The following CDH17 variants were observed in gnomAD, a reference collection of about 807,000 sequenced individuals.
CDH17 encodes the protein cadherin-17.
Under a neutral mutation model 86.3 loss-of-function variants are expected in CDH17, and 67 were observed. That is an observed-to-expected ratio of 0.78 (90% CI 0.64 to 0.95). The LOEUF (loss-of-function observed/expected upper bound fraction) is 0.95, where lower values mean the gene tolerates loss of function less well. Ranked by LOEUF, CDH17 falls within the 40% of genes least tolerant of loss-of-function variation. The probability of loss-of-function intolerance (pLI) is 0.00; values close to 1 mark genes in which losing one functional copy is unlikely to be tolerated. For missense variants in CDH17, 993 were observed against 1,017.6 expected (o/e 0.98, Z 0.33); for synonymous variants, 367 against 366.4 (o/e 1.00, Z -0.02).
At chr8:94,129,477 C>CAGAGTCCAGTGTG (rs33914262) in intron 17 of CDH17, among the ~76,000 whole-genome samples, 68,366 of 151,592 alleles carry the variant, frequency 0.45, 16,993 homozygotes, top group Non-Finnish European at 0.55. Flanking sequence ...ATGCATGAAT[C>CAGAGTCCAGTGTG]AGAGTCCAGT....
intron 15 of CDH17, among the ~76,000 whole-genome samples, chr8:94,135,539 T>C (rs1016636498): frequency 8.5e-5 from 13 of 152,262 alleles, no homozygotes; most frequent in Non-Finnish European, 1.6e-4. Context: ...TTATTTTGAG[T>C]CTATGTGTTT....
chr8:94,198,636 C>A (rs1586024746), intron 1 of CDH17, among the ~76,000 whole-genome samples: 1 of 152,170 alleles, frequency 6.6e-6, no homozygotes, highest in Non-Finnish European at 1.5e-5. Flanking sequence ...ACTCTTCCAG[C>A]CTTATCTGCC....
intron 3 of CDH17, among the ~76,000 whole-genome samples, chr8:94,181,098 G>C (rs1054933465): frequency 2.0e-5 from 3 of 151,904 alleles, no homozygotes; most frequent in African/African-American, 7.3e-5. Flanking sequence ...AGACAAAATG[G>C]GATATTCTAT....
At chr8:94,145,806 T>C in intron 15 of CDH17, 122 bp downstream of exon 15, 2 of 1,118,024 alleles carry the variant, frequency 1.8e-6, no homozygotes, top group Non-Finnish European at 2.6e-6. Flanking sequence ...TTCCAAAGCA[T>C]GAACTTCCTT....
At chr8:94,161,943 G>A (rs113312105) in intron 11 of CDH17, 143 bp downstream of exon 11, 4 of 530,564 alleles carry the variant, frequency 7.5e-6, no homozygotes, top group South Asian at 3.1e-5. Context: ...ACTGAAGATG[G>A]CATCTGGGTT....
chr8:94,199,705 G>A (rs1813867058), intron 1 of CDH17, among the ~76,000 whole-genome samples: 1 of 152,054 alleles, frequency 6.6e-6, no homozygotes. Flanking sequence ...GCTTTCCATT[G>A]CCACACGTAG....
intron 15 of CDH17, among the ~76,000 whole-genome samples, chr8:94,145,688 A>G (rs1812727427): frequency 6.6e-6 from 1 of 152,130 alleles, no homozygotes; most frequent in Non-Finnish European, 1.5e-5. Flanking sequence ...AATGATGCTT[A>G]GGTCATCCAA....
chr8:94,131,809 C>T (rs986928807), intron 15 of CDH17, among the ~76,000 whole-genome samples: 1 of 152,092 alleles, frequency 6.6e-6, no homozygotes, highest in Non-Finnish European at 1.5e-5. Context: ...GGTATTTCTC[C>T]TAATGCTATC....
chr8:94,169,485 T>C (rs1401831392), intron 9 of CDH17, among the ~76,000 whole-genome samples: 1 of 152,018 alleles, frequency 6.6e-6, no homozygotes, highest in Admixed American at 6.6e-5. Context: ...GCACCCACTC[T>C]GTCAGAGGTG....
chr8:94,177,784 G>A, intron 3 of CDH17, 63 bp from the exon 4 acceptor site: 1 of 1,524,830 alleles, frequency 6.6e-7, no homozygotes, highest in Non-Finnish European at 9.0e-7. Flanking sequence ...GGAATTTGTA[G>A]AAAGTCACCA....
At chr8:94,199,567 A>G (rs1813864584) in intron 1 of CDH17, among the ~76,000 whole-genome samples, 1 of 152,168 alleles carries the variant, frequency 6.6e-6, no homozygotes, top group South Asian at 2.1e-4. Context: ...ATGCTCAGAG[A>G]GATCACTGTC....
Position 94,170,964 on chromosome 8 carries a change from C to T in CDH17, c.805G>A (p.Ala269Thr). Residue 269 changes from alanine (A) to threonine (T), a missense_variant, in exon 8 of 18, where the codon GCA becomes ACA. By Grantham distance (58) the Ala-to-Thr change is moderately conservative (BLOSUM62 0). Transcript: ENST00000027335. The part of the protein sequence containing the change: ...ITQVRWNDPG[A>T]QYSLVDKEKL... ...TCTTTGTCAACTAAGGAATATTGTGCACCGGGATCATTCCACCGCACCTAC... is the reference window on the plus strand; with the variant it reads ...TCTTTGTCAACTAAGGAATATTGTGTACCGGGATCATTCCACCGCACCTAC... 1 of 1,613,638 alleles carries T rather than the reference C, an allele frequency of 6.2e-7. No individual in the cohort carries two copies. Among genetic ancestry groups the T allele is most frequent in the Non-Finnish European group, 8.5e-7 (1 of 1,179,758 alleles).
chr8:94,141,138 G>A (rs994254127), intron 15 of CDH17, among the ~76,000 whole-genome samples: 16 of 151,944 alleles, frequency 1.1e-4, no homozygotes, highest in Non-Finnish European at 2.2e-4. Context: ...CTTTATCCCA[G>A]GAATAAGGTG....
At chr8:94,177,975 C>G (rs998023469) in intron 3 of CDH17, among the ~76,000 whole-genome samples, 2 of 152,158 alleles carry the variant, frequency 1.3e-5, no homozygotes, top group African/African-American at 4.8e-5. Flanking sequence ...TAAATTATAG[C>G]TGGGGTTAAA....
At chr8:94,168,118 A>G (rs1164001122) in intron 9 of CDH17, among the ~76,000 whole-genome samples, 40 of 26,166 alleles carry the variant, frequency 1.5e-3, no homozygotes, top group African/African-American at 4.9e-3. Context: ...ATATATATAT[A>G]TATATATATA....
chr8:94,173,603 G>A (rs1724785327), intron 7 of CDH17, among the ~76,000 whole-genome samples, 194 bp downstream of exon 7: 1 of 152,150 alleles, frequency 6.6e-6, no homozygotes, highest in Non-Finnish European at 1.5e-5. Context: ...CATAATATCT[G>A]CATCCAAGTT....
chr8:94,160,969 C>T (rs1356773051), intron 11 of CDH17, among the ~76,000 whole-genome samples: 1 of 152,160 alleles, frequency 6.6e-6, no homozygotes, highest in Non-Finnish European at 1.5e-5. Context: ...TAGACCATCT[C>T]CCACTCCACT....
rs745532693 is a variant in CDH17 at position 94,174,219 on chromosome 8, G to C, written c.466C>G (p.Pro156Ala). Residue 156 changes from proline (P) to alanine (A), a missense_variant, in exon 6 of 18, where the codon CCG becomes GCG. By Grantham distance (27) the Pro-to-Ala change is conservative. Transcript: ENST00000027335. ...TAAAGCTGGCCATTGGGAGTGGCCGGATCATCCAGGTCTGTGGCATTGACA... is the reference window on the plus strand; with the variant it reads ...TAAAGCTGGCCATTGGGAGTGGCCGCATCATCCAGGTCTGTGGCATTGACA... ...LYVNATDLDD[P>A]ATPNGQLYYQ... 6.2e-7 allele frequency: 1 copy of C among 1,613,188 alleles called. No homozygotes were observed. The highest frequency in any genetic ancestry group is 8.5e-7 in the Non-Finnish European group (1 of 1,179,756).
At chr8:94,215,867 T>G (rs1209889965) in intron 1 of CDH17, among the ~76,000 whole-genome samples, 2 of 151,976 alleles carry the variant, frequency 1.3e-5, no homozygotes, top group Admixed American at 6.5e-5. Flanking sequence ...TACGAGGTTT[T>G]TTTTTTTTTT....
Sources: allele counts gnomAD v4.1 joint callset (sites outside exome capture counted in the v4.1 genomes callset), GRCh38; gene constraint gnomAD v4.1.1; transcripts MANE v1.5; gene names NCBI Gene and HGNC (gene_info 2026-07-23, HGNC 2026-07-21).